The following MEF2C variants were observed in gnomAD, a reference collection of about 807,000 sequenced individuals.
MEF2C encodes the protein myocyte-specific enhancer factor 2C.
A neutral mutation model predicts 50.5 loss-of-function variants in MEF2C; 6 were observed. The observed-to-expected ratio is 0.12, with a 90% CI of 0.07 to 0.23. The LOEUF (loss-of-function observed/expected upper bound fraction) is 0.23. Among genes scored for constraint, MEF2C ranks in the 10% least tolerant of loss-of-function variants. The pLI, the probability that MEF2C is intolerant of heterozygous loss-of-function variation, is 1.00. For synonymous variants in MEF2C, 183 were observed against 228.0 expected, an observed-to-expected ratio of 0.80 and a Z score of 1.78; for missense variants, 276 against 605.0, an observed-to-expected ratio of 0.46 and a Z score of 5.70.
intron 3 of MEF2C, among the ~76,000 whole-genome samples, chr5:88,768,952 ACTAGT>A (rs1781194084): frequency 6.6e-6 from 1 of 152,228 alleles, no homozygotes; most frequent in African/African-American, 2.4e-5. Flanking sequence ...ATTTAGGGGT[ACTAGT>A]CTAAATAGAC....
intron 1 of MEF2C, among the ~76,000 whole-genome samples, chr5:88,897,791 C>T (rs1436997774): frequency 6.6e-6 from 1 of 152,116 alleles, no homozygotes; most frequent in East Asian, 1.9e-4. Context: ...CTTGGGATCA[C>T]TAAATGTTAG....
chr5:88,743,559 A>T, intron 6 of MEF2C: 1 of 979,230 alleles, frequency 1.0e-6, no homozygotes, highest in Non-Finnish European at 1.2e-6. Context: ...TTTTATGATT[A>T]TATTATCATA....
intron 6 of MEF2C, chr5:88,742,489 A>C (rs1430753778): frequency 1.0e-6 from 1 of 979,166 alleles, no homozygotes; most frequent in Admixed American, 6.2e-5. Context: ...CAATCTTCAC[A>C]GTACTTTACT....
At chr5:88,768,195 C>T (rs618741) in intron 3 of MEF2C, among the ~76,000 whole-genome samples, 72,757 of 152,078 alleles carry the variant, frequency 0.48, 18,694 homozygotes, top group East Asian at 0.59. Context: ...TGTGCTTTTT[C>T]CCCTCTGCTA....
rs1472359660 is a variant in MEF2C at position 88,826,502 on chromosome 5, T to C, written c.-142-2572A>G. Among the ~76,000 whole-genome samples, 4 of 151,954 alleles carry C rather than the reference T, an allele frequency of 2.6e-5. No individual in the cohort carries two copies. The East Asian group carries it at 7.8e-4, about 30-fold the overall frequency. ...ATGAAACGTGGTTTAGAACATTTGA[T>C]TATGGGTCACCACATTTCAAGGCTG... On this transcript the variant is annotated intron_variant, in intron 1 of 10. Transcript: ENST00000504921.
intron 2 of MEF2C, among the ~76,000 whole-genome samples, chr5:88,808,513 A>G (rs746957098): frequency 2.0e-5 from 3 of 152,172 alleles, no homozygotes; most frequent in Non-Finnish European, 4.4e-5. Context: ...GATAATGAAT[A>G]CTTATTTAAT....
intron 7 of MEF2C, among the ~76,000 whole-genome samples, 158 bp from the exon 8 acceptor site, chr5:88,730,392 C>G (rs1760927742): frequency 6.6e-6 from 1 of 152,292 alleles, no homozygotes; most frequent in South Asian, 2.1e-4. Context: ...CAAAGACATT[C>G]TTTGTTTCCC....
intron 1 of MEF2C, among the ~76,000 whole-genome samples, chr5:88,833,109 T>C (rs1347178601): frequency 2.6e-5 from 4 of 152,110 alleles, no homozygotes; most frequent in East Asian, 3.9e-4. Context: ...AGGAAAAACA[T>C]TATGTGCATT....
intron 3 of MEF2C, among the ~76,000 whole-genome samples, chr5:88,779,583 A>C (rs942856161): frequency 2.1e-5 from 3 of 146,328 alleles, no homozygotes; most frequent in African/African-American, 7.5e-5. Flanking sequence ...ATGTGAATAT[A>C]TGTAGGTTTG....
chr5:88,887,378 G>T (rs189994140), upstream of MEF2C: 8 of 152,286 alleles, frequency 5.3e-5, no homozygotes, highest in East Asian at 1.5e-3. Flanking sequence ...GTGTATGGTG[G>T]TCATTTAACT....
rs570366336 is a variant in MEF2C, at chr5:88,863,775, G to T, written c.-143+19180C>A. ...CTGTGCCTGACTTATTTCACTTAAC[G>T]TAATGTCTTTTAGGTTCATTCATGT... is the stretch of plus-strand genomic sequence containing the variant. On this transcript the variant is annotated intron_variant, in intron 1 of 10. Coordinates refer to ENST00000504921, the MANE Select transcript of MEF2C (RefSeq NM_002397.5). Among the ~76,000 whole-genome samples the T allele has an allele frequency of 3.3e-5, 5 of 151,366 alleles. No individual in the cohort carries two copies. The East Asian group carries it at 9.7e-4, about 29-fold the overall frequency.
intron 1 of MEF2C, among the ~76,000 whole-genome samples, chr5:88,900,868 A>G (rs891997510): frequency 3.3e-5 from 5 of 151,946 alleles, no homozygotes; most frequent in Admixed American, 2.0e-4. Flanking sequence ...GGTAAATTTC[A>G]TTTTTGTTCT....
chr5:88,799,062 G>A (rs182903259), intron 3 of MEF2C, among the ~76,000 whole-genome samples: 6 of 152,298 alleles, frequency 3.9e-5, no homozygotes, highest in Admixed American at 6.5e-5. Context: ...GAGCTCTCTC[G>A]TATGAGGTGT....
chr5:88,786,270 C>A (rs1562024645), intron 3 of MEF2C, among the ~76,000 whole-genome samples: 2 of 152,136 alleles, frequency 1.3e-5, no homozygotes, highest in Non-Finnish European at 2.9e-5. Flanking sequence ...TAAACCTACC[C>A]TCTGGCAAAC....
rs764636524 is a variant in MEF2C at position 88,722,891 on chromosome 5, T to C, written c.1135A>G (p.Asn379Asp). The change falls in exon 11 of 11, where the codon AAT becomes GAT. Residue 379 changes from asparagine (N) to aspartate (D), a missense_variant. Transcript: ENST00000504921. ...CTSTHLSQSS[N>D]LSLPSTQSLN... ...CTTTGAGTAGAAGGCAGGGAGAGAT[T>C]TGAACTCTGAGATAAATGAGTGCTA... is the stretch of plus-strand genomic sequence containing the variant. The C allele has an allele frequency of 1.2e-6, 2 of 1,611,892 alleles. No homozygotes were observed. Among genetic ancestry groups the C allele is most frequent in the East Asian group, 2.2e-5 (1 of 44,826 alleles).
intron 1 of MEF2C, among the ~76,000 whole-genome samples, chr5:88,834,441 A>C (rs961502874): frequency 3.9e-5 from 6 of 152,200 alleles, no homozygotes; most frequent in African/African-American, 1.2e-4. Context: ...GTCAAGCATG[A>C]TGCTACGTGC....
chr5:88,878,761 T>C (rs1233865055), intron 1 of MEF2C, among the ~76,000 whole-genome samples: 1 of 151,960 alleles, frequency 6.6e-6, no homozygotes, highest in Non-Finnish European at 1.5e-5. Context: ...AAAAATTATA[T>C]CTCTTTTAAG....
chr5:88,749,112 G>C lies in MEF2C; in HGVS notation c.595C>G (p.Leu199Val), dbSNP rs1472815211. The C allele has an allele frequency of 1.3e-6, 2 of 1,572,196 alleles. No homozygotes were observed. Among genetic ancestry groups the C allele is most frequent in the Non-Finnish European group, 1.7e-6 (2 of 1,158,268 alleles). ...CCAGACGTGAGGTCTCCACCCATCAGACCACCTATGGATTAAAGAGGAAGA... is the reference window on the plus strand; with the variant it reads ...CCAGACGTGAGGTCTCCACCCATCACACCACCTATGGATTAAAGAGGAAGA... ...RPPSAGNTGG[L>V]MGGDLTSGAG... is the part of the protein sequence containing the mutation. The change falls in exon 6 of 11, where the codon CTG (leucine) becomes GTG (valine). Residue 199 changes from leucine (L) to valine (V), a missense_variant. By Grantham distance (32) the Leu-to-Val change is conservative. Coordinates refer to ENST00000504921, the MANE Select transcript of MEF2C (RefSeq NM_002397.5).
chr5:88,765,192 T>A (rs191277479), intron 3 of MEF2C, among the ~76,000 whole-genome samples: 24 of 152,314 alleles, frequency 1.6e-4, no homozygotes, highest in African/African-American at 5.3e-4. Context: ...ATTGTGTTAT[T>A]TAAAAAAGAG....
Sources: gnomAD v4.1 joint callset for allele counts (sites outside exome capture counted in the v4.1 genomes callset) on GRCh38, gnomAD v4.1.1 for gene constraint, MANE v1.5 for transcripts, NCBI Gene and HGNC (gene_info 2026-07-23, HGNC 2026-07-21) for gene names.